PPP1R21: variants seen among roughly 807,000 people sequenced by gnomAD.
PPP1R21 encodes the protein KLRAQ motif containing 1.
Under a neutral mutation model 112.8 loss-of-function variants are expected in PPP1R21, and 85 were observed. That is an observed-to-expected ratio of 0.75 (90% CI 0.63 to 0.90). The LOEUF is 0.90. PPP1R21 is among the 40% of genes least tolerant of loss of function. The pLI, the probability that PPP1R21 is intolerant of heterozygous loss-of-function variation, is 0.00. For missense variants in PPP1R21, 1,199 were observed against 901.5 expected (o/e 1.33, Z -4.23); for synonymous variants, 381 against 322.3 (o/e 1.18, Z -1.95).
intron 7 of PPP1R21, 106 bp downstream of exon 7, chr2:48,461,338 C>T: frequency 2.2e-6 from 3 of 1,341,954 alleles, no homozygotes; most frequent in Non-Finnish European, 2.9e-6. Context: ...TTTAATTGGC[C>T]CCACAGAAGA....
At chr2:48,463,394 G>A (rs1174128495) in intron 7 of PPP1R21, among the ~76,000 whole-genome samples, 2 of 152,186 alleles carry the variant, frequency 1.3e-5, no homozygotes, top group Non-Finnish European at 2.9e-5. Context: ...TTTGGTGACT[G>A]GATTTTGTGG....
intron 14 of PPP1R21, among the ~76,000 whole-genome samples, chr2:48,489,739 G>C (rs4953581): frequency 0.55 from 82,975 of 151,670 alleles, 23,147 homozygotes; most frequent in Middle Eastern, 0.66. Flanking sequence ...TTGAAACCCT[G>C]TCTCTACTAA....
intron 12 of PPP1R21, among the ~76,000 whole-genome samples, chr2:48,475,978 A>G (rs1227106936): frequency 6.6e-6 from 1 of 152,112 alleles, no homozygotes; most frequent in Non-Finnish European, 1.5e-5. Flanking sequence ...CATACAATGT[A>G]TTAATTAAAG....
intron 19 of PPP1R21, among the ~76,000 whole-genome samples, chr2:48,509,582 G>A (rs1670539008): frequency 6.6e-6 from 1 of 151,836 alleles, no homozygotes; most frequent in Non-Finnish European, 1.5e-5. Flanking sequence ...GTGCATGCCT[G>A]TAATCCCAGC....
chr2:48,444,049 A>T (rs1240365117), intron 1 of PPP1R21, among the ~76,000 whole-genome samples: 1 of 147,176 alleles, frequency 6.8e-6, no homozygotes, highest in African/African-American at 2.7e-5. Flanking sequence ...AGAAAAAAAA[A>T]ACCAAACAAA....
At chr2:48,465,702 T>C in intron 9 of PPP1R21, 60 bp downstream of exon 9, 1 of 1,487,946 alleles carries the variant, frequency 6.7e-7, no homozygotes, top group Non-Finnish European at 9.2e-7. Context: ...ATATTGTTTG[T>C]TTTTAGACCT....
At chr2:48,455,874 C>T (rs527516856) in intron 3 of PPP1R21, among the ~76,000 whole-genome samples, 18 of 151,816 alleles carry the variant, frequency 1.2e-4, no homozygotes, top group Admixed American at 5.9e-4. Flanking sequence ...ATTAGCTGGG[C>T]GTGTTGGCAG....
At chr2:48,505,642 A>C in intron 18 of PPP1R21, 46 bp downstream of exon 18, 2 of 1,471,282 alleles carry the variant, frequency 1.4e-6, no homozygotes, top group Non-Finnish European at 1.9e-6. Flanking sequence ...AATATCTGGC[A>C]GCATGTTTGT....
At chr2:48,485,738 A>G (rs1032008257) in intron 13 of PPP1R21, among the ~76,000 whole-genome samples, 1 of 151,442 alleles carries the variant, frequency 6.6e-6, no homozygotes. Flanking sequence ...TATTTCCTCC[A>G]TTAATTATCT....
intron 2 of PPP1R21, among the ~76,000 whole-genome samples, chr2:48,453,792 G>A (rs1403241167): frequency 6.6e-6 from 1 of 152,166 alleles, no homozygotes; most frequent in Non-Finnish European, 1.5e-5. Context: ...GTATGATACT[G>A]ATTTTTATCT....
intron 11 of PPP1R21, among the ~76,000 whole-genome samples, chr2:48,472,239 C>CAAAAAAAAAAAAAAAA (rs57711610): frequency 2.3e-5 from 1 of 43,036 alleles, no homozygotes; most frequent in Non-Finnish European, 3.8e-5. Flanking sequence ...GACTCCATCT[C>CAAAAAAAAAAAAAAAA]AAAAAAAAAA....
intron 9 of PPP1R21, among the ~76,000 whole-genome samples, chr2:48,466,041 A>T (rs1668187563): frequency 6.6e-6 from 1 of 152,112 alleles, no homozygotes; most frequent in African/African-American, 2.4e-5. Context: ...CCATTTTTAA[A>T]ACCATCAGAT....
intron 13 of PPP1R21, among the ~76,000 whole-genome samples, chr2:48,483,911 C>G (rs1160301620): frequency 6.6e-6 from 1 of 152,052 alleles, no homozygotes; most frequent in African/African-American, 2.4e-5. Flanking sequence ...TGGTCTCAAA[C>G]TCCTGGACTC....
At chr2:48,477,866 G>C (rs985711010) in intron 12 of PPP1R21, among the ~76,000 whole-genome samples, 3 of 152,104 alleles carry the variant, frequency 2.0e-5, no homozygotes, top group Non-Finnish European at 2.9e-5. Flanking sequence ...AATTCTAACT[G>C]TCAGTACCTG....
intron 9 of PPP1R21, 68 bp from the exon 10 acceptor site, chr2:48,471,019 A>G (rs1470403551): frequency 1.8e-6 from 2 of 1,112,968 alleles, no homozygotes; most frequent in Non-Finnish European, 2.7e-6. Flanking sequence ...TGGTGGGTCC[A>G]TTTAGAAATG....
chr2:48,472,174 AG>A (rs1428814539), intron 11 of PPP1R21, among the ~76,000 whole-genome samples: 6 of 119,550 alleles, frequency 5.0e-5, no homozygotes, highest in Non-Finnish European at 9.7e-5. Context: ...TGGGAGGCGG[AG>A]GTTGCAGTGA....
At position 48,514,950 on chromosome 2, in the gene PPP1R21, G is replaced by A. The variant is rs1157026521; in HGVS notation, c.*206G>A. On this transcript the variant is annotated 3_prime_UTR_variant, in exon 22 of 22. Transcript: ENST00000294952. ...GCAAATACAGAAGTTGATGTCGGCA[G>A]TAAATGGAAAACAATACGTATGTCA... is the stretch of plus-strand genomic sequence containing the variant. The A allele has an allele frequency of 3.6e-6, 2 of 551,734 alleles. No homozygotes were observed. The highest frequency in any genetic ancestry group is 3.5e-5 in the Admixed American group (1 of 28,704). The allele number at this position is 551,734 out of a possible 1,614,324, so 34.2% of individuals were successfully genotyped here.
intron 12 of PPP1R21, among the ~76,000 whole-genome samples, chr2:48,479,177 C>T (rs577969497): frequency 2.6e-5 from 4 of 152,162 alleles, no homozygotes; most frequent in African/African-American, 4.8e-5. Flanking sequence ...GAACGTTCCC[C>T]GCCTCTGTCC....
At chr2:48,489,353 C>A (rs2103932423) in intron 14 of PPP1R21, among the ~76,000 whole-genome samples, 1 of 148,014 alleles carries the variant, frequency 6.8e-6, no homozygotes, top group South Asian at 2.3e-4. Flanking sequence ...ATTAAAAAAT[C>A]AGCCACACAT....
Sources: gnomAD v4.1 joint callset for allele counts (sites outside exome capture counted in the v4.1 genomes callset) on GRCh38, gnomAD v4.1.1 for gene constraint, MANE v1.5 for transcripts, NCBI Gene and HGNC (gene_info 2026-07-23, HGNC 2026-07-21) for gene names.